Variants in C20orf173 observed in about 807,000 individuals in gnomAD.
The protein encoded by C20orf173 is chromosome 20 open reading frame 173.
C20orf173 carries 22 observed loss-of-function variants against 26.7 expected under a neutral mutation model. The observed-to-expected ratio is 0.82, with a 90% CI of 0.59 to 1.18. The LOEUF is 1.18. Ranked by LOEUF, C20orf173 falls within the 50% of genes most tolerant of loss-of-function variation. The pLI, the probability that C20orf173 is intolerant of heterozygous loss-of-function variation, is 0.00. For missense variants in C20orf173, 210 were observed against 250.3 expected, an observed-to-expected ratio of 0.84 and a Z score of 1.09; for synonymous variants, 85 against 96.4, an observed-to-expected ratio of 0.88 and a Z score of 0.69.
At chr20:35,525,592 G>A (rs1456106219), downstream of C20orf173, among the ~76,000 whole-genome samples, 1 of 152,146 alleles carries the variant, frequency 6.6e-6, no homozygotes, top group Non-Finnish European at 1.5e-5. Context: ...AGAAGACACA[G>A]GGGAGTATGC....
rs1028829795 is a variant in C20orf173 at position 35,528,126 on chromosome 20, C to T, written c.*25+107G>A. The stretch of plus-strand genomic sequence containing the variant: ...GATGACCCTGACCCTGGTAAGACAG[C>T]CAGTTGTCCTGGTTGCACCTGGGGA... On this transcript the variant is annotated intron_variant, in intron 5 of 5. Transcript: ENST00000444723. 9 of 915,404 alleles carry T rather than the reference C, an allele frequency of 9.8e-6. No homozygotes were observed. The South Asian group carries it at 1.1e-4, about 12-fold the overall frequency. The allele number at this position is 915,404 out of a possible 1,614,324, so 56.7% of individuals were successfully genotyped here. A position where few individuals can be genotyped will look rare whatever the true frequency, so the allele number is the denominator to read the frequency against.
At chr20:35,528,422 C>T in intron 4 of C20orf173, 29 bp downstream of exon 4, 1 of 1,550,654 alleles carries the variant, frequency 6.4e-7, no homozygotes, top group Non-Finnish European at 8.7e-7. Context: ...CACCCCCACA[C>T]AGAGAATGTC....
At chr20:35,521,325 T>C (rs1463225146), downstream of C20orf173, among the ~76,000 whole-genome samples, 1 of 152,034 alleles carries the variant, frequency 6.6e-6, no homozygotes, top group Admixed American at 6.6e-5. Flanking sequence ...CTCTAAATAC[T>C]CATAGTGACC....
At chr20:35,528,195 C>T in intron 5 of C20orf173, 38 bp downstream of exon 5, 1 of 1,539,788 alleles carries the variant, frequency 6.5e-7, no homozygotes, top group Non-Finnish European at 8.8e-7. Context: ...CACAGCAACC[C>T]ACAGCCACAT....
chr20:35,521,041 A>G (rs183941610), downstream of C20orf173: 276 of 152,618 alleles, frequency 1.8e-3, 2 homozygotes, highest in Non-Finnish European at 3.5e-4. Flanking sequence ...ATGATCTGGT[A>G]TTCTGCTGGG....
chr20:35,527,707 C>T (rs149842001), intron 5 of C20orf173, among the ~76,000 whole-genome samples: 7 of 152,252 alleles, frequency 4.6e-5, no homozygotes, highest in African/African-American at 1.4e-4. Flanking sequence ...CAACCTCTGC[C>T]TCCCGGGTTC....
chr20:35,524,564 G>T, downstream of C20orf173, among the ~76,000 whole-genome samples: 1 of 152,036 alleles, frequency 6.6e-6, no homozygotes. Flanking sequence ...CATCATATTG[G>T]ATGGTACAGA....
chr20:35,529,274 C>T lies in C20orf173; in HGVS notation c.100G>A (p.Glu34Lys). The change falls in exon 2 of 6, where the codon GAA becomes AAA. Residue 34 changes from glutamate to lysine, a missense_variant. Transcript: ENST00000444723. Reference sequence around the variant, plus strand: ...TGTGGTACCAAGTACATTCGTTTTTCCTGGGGTGCTGATTCAGGTGTCAGA... The same window carrying T: ...TGTGGTACCAAGTACATTCGTTTTTTCTGGGGTGCTGATTCAGGTGTCAGA... ...LDLTPESAPQ[E>K]KRMYLVPQHC... 1 of 1,551,594 alleles carries T rather than the reference C, an allele frequency of 6.4e-7. No individual in the cohort carries two copies.
Position 35,529,423 on chromosome 20 carries a change from A to T in C20orf173, c.-50T>A. 6.8e-7 allele frequency: 1 copy of T among 1,467,478 alleles called. No individual in the cohort carries two copies. The highest frequency in any genetic ancestry group is 9.1e-7 in the Non-Finnish European group (1 of 1,104,088). The allele number at this position is 1,467,478 out of a possible 1,614,324, so 90.9% of individuals were successfully genotyped here. ...TGGTGGGCCGTAGACTGGCTTCTCT[A>T]CCTGTAAGGATGAGGGGCTGAGGCC... On this transcript the variant is annotated splice_region_variant and 5_prime_UTR_variant, in exon 2 of 6. Transcript: ENST00000444723.
At chr20:35,528,210 C>T in intron 5 of C20orf173, 23 bp downstream of exon 5, 1 of 1,548,008 alleles carries the variant, frequency 6.5e-7, no homozygotes, top group Non-Finnish European at 8.7e-7. Flanking sequence ...CCACATCCTA[C>T]CCCTTTTCCT....
At chr20:35,528,569 TG>T in intron 3 of C20orf173, 25 bp from the exon 4 acceptor site, 2 of 1,551,156 alleles carry the variant, frequency 1.3e-6, no homozygotes, top group Admixed American at 3.9e-5. Flanking sequence ...GCATTGTGTG[TG>T]GTTTGGTTCC....
downstream of C20orf173, among the ~76,000 whole-genome samples, chr20:35,521,710 G>A (rs1305472177): frequency 2.1e-4 from 32 of 151,732 alleles, 1 homozygote. Flanking sequence ...CCAGGTTCAA[G>A]CGATTTTCTT....
At chr20:35,524,086 T>C (rs574883482), downstream of C20orf173, among the ~76,000 whole-genome samples, 88 of 152,292 alleles carry the variant, frequency 5.8e-4, no homozygotes, top group African/African-American at 2.0e-3. Context: ...GCCCAGATCT[T>C]GGCTCACTGC....
At chr20:35,522,416 C>G (rs1171382659), downstream of C20orf173, 4 of 152,272 alleles carry the variant, frequency 2.6e-5, no homozygotes, top group African/African-American at 7.2e-5. Context: ...CTTCCACATG[C>G]TTGTCTGTTT....
rs2064520092 is a variant in C20orf173, at chr20:35,528,384, G to A, written c.582+67C>T. ...AATAGAAGGTCTTCCCAGAGCCCCT[G>A]CTGTTACTCCCTGCAGTGACCTCCC... is the stretch of plus-strand genomic sequence containing the variant. On this transcript the variant is annotated intron_variant, in intron 4 of 5. Transcript: ENST00000444723. 7 of 1,545,286 alleles carry A rather than the reference G, an allele frequency of 4.5e-6. No homozygotes were observed. In the Admixed American group the frequency reaches 1.4e-4, roughly 30 times the overall value.
chr20:35,525,183 C>T (rs755774508), downstream of C20orf173, among the ~76,000 whole-genome samples: 4 of 151,860 alleles, frequency 2.6e-5, no homozygotes, highest in Non-Finnish European at 5.9e-5. Flanking sequence ...AGGGCCTTTG[C>T]AGATACAATG....
rs1338552315 is a variant in C20orf173 at position 35,528,266 on chromosome 20, C to T, written c.601G>A (p.Val201Ile). The change falls in exon 5 of 6, where the codon GTT becomes ATT. Residue 201 changes from valine to isoleucine, a missense_variant. Val to Ile is a conservative substitution (Grantham distance 29). Coordinates refer to ENST00000444723, the MANE Select transcript of C20orf173 (RefSeq NM_001145350.2). Reference protein sequence around the residue: ...LSDKILEDGLVP With the variant: ...LSDKILEDGLIP ...TGCTATCTTCCACTCCACTAGGGAA[C>T]CAGACCATCTTCCAAAATCTGAGAA... 2.6e-6 allele frequency: 4 copies of T among 1,551,994 alleles called. No individual in the cohort carries two copies. The highest frequency in any genetic ancestry group is 1.4e-5 in the African/African-American group (1 of 73,034).
chr20:35,521,054 AT>A (rs1256116869), downstream of C20orf173: 2 of 152,564 alleles, frequency 1.3e-5, no homozygotes, highest in Non-Finnish European at 2.9e-5. Context: ...CTGCTGGGAA[AT>A]TTTGCATGGT....
chr20:35,524,895 CA>C (rs2064494855), downstream of C20orf173, among the ~76,000 whole-genome samples: 1 of 151,846 alleles, frequency 6.6e-6, no homozygotes, highest in African/African-American at 2.4e-5. Flanking sequence ...GACGGGGTTT[CA>C]TCATATCAGT....
Sources: gnomAD v4.1 joint callset for allele counts (sites outside exome capture counted in the v4.1 genomes callset) on GRCh38, gnomAD v4.1.1 for gene constraint, MANE v1.5 for transcripts, NCBI Gene and HGNC (gene_info 2026-07-23, HGNC 2026-07-21) for gene names.